Variants in TPRG1 observed in about 807,000 individuals in gnomAD.
TPRG1 encodes the protein tumor protein p63 regulated 1, also known as tumor protein p63-regulated gene 1 protein.
In TPRG1, 29 loss-of-function variants were observed where a neutral mutation model predicts 29.3. That is an observed-to-expected ratio of 0.99 (90% CI 0.74 to 1.35). The LOEUF (loss-of-function observed/expected upper bound fraction) is 1.35. TPRG1 is among the 40% of genes most tolerant of loss of function. TPRG1 has a pLI of 0.00. For missense variants in TPRG1, 327 were observed against 335.0 expected (o/e 0.98, Z 0.19); for synonymous variants, 130 against 116.8 (o/e 1.11, Z -0.73).
At chr3:189,237,817 C>A (rs140906538) in intron 3 of TPRG1, among the ~76,000 whole-genome samples, 10 of 152,258 alleles carry the variant, frequency 6.6e-5, no homozygotes, top group Admixed American at 2.6e-4. Flanking sequence ...AGGATTTAGA[C>A]ATGAATTGGT....
intron 4 of TPRG1, among the ~76,000 whole-genome samples, chr3:189,304,949 A>G (rs1349613229): frequency 6.6e-6 from 1 of 152,032 alleles, no homozygotes; most frequent in Non-Finnish European, 1.5e-5. Flanking sequence ...CTGCGTTTAG[A>G]GCAAGAGTTA....
intron 1 of TPRG1, among the ~76,000 whole-genome samples, chr3:189,202,572 T>C (rs1733673959): frequency 6.6e-6 from 1 of 152,226 alleles, no homozygotes; most frequent in Non-Finnish European, 1.5e-5. Flanking sequence ...ACTTTTTCTT[T>C]TTTCTGATGT....
chr3:189,304,012 G>C (rs1218725231), intron 4 of TPRG1, among the ~76,000 whole-genome samples: 1 of 152,034 alleles, frequency 6.6e-6, no homozygotes, highest in African/African-American at 2.4e-5. Flanking sequence ...TTCTTCTGCA[G>C]GTTAAGATCA....
At chr3:189,283,368 T>G (rs1717481277) in intron 4 of TPRG1, among the ~76,000 whole-genome samples, 3 of 152,228 alleles carry the variant, frequency 2.0e-5, no homozygotes, top group African/African-American at 7.2e-5. Context: ...GACTCTCATG[T>G]TTTATTCCAG....
chr3:189,052,819 C>T (rs867368642), intron 4 of TPRG1, among the ~76,000 whole-genome samples: 15 of 152,014 alleles, frequency 9.9e-5, no homozygotes, highest in Non-Finnish European at 1.5e-4. Context: ...TTATTCTAAG[C>T]GAAGTAACTC....
At chr3:189,070,061 CAG>C (rs1218972463) in intron 4 of TPRG1, among the ~76,000 whole-genome samples, 6 of 152,122 alleles carry the variant, frequency 3.9e-5, no homozygotes, top group African/African-American at 1.4e-4. Flanking sequence ...AGCCTGGTGA[CAG>C]AGCGAGACTC....
intron 5 of TPRG1, among the ~76,000 whole-genome samples, chr3:189,319,420 C>T (rs1301028342): frequency 2.0e-5 from 3 of 152,010 alleles, no homozygotes; most frequent in Non-Finnish European, 2.9e-5. Flanking sequence ...ATAATAATAT[C>T]GCTATCTACC....
intron 4 of TPRG1, among the ~76,000 whole-genome samples, chr3:189,035,498 T>A (rs1714204472): frequency 6.6e-6 from 1 of 152,026 alleles, no homozygotes; most frequent in South Asian, 2.1e-4. Flanking sequence ...TAAACAGGCA[T>A]CATACAGAAT....
intron 4 of TPRG1, among the ~76,000 whole-genome samples, chr3:189,308,416 A>T (rs1415212062): frequency 6.6e-6 from 1 of 152,198 alleles, no homozygotes; most frequent in Non-Finnish European, 1.5e-5. Context: ...GGTGTTTGAC[A>T]AAAGAGAAGA....
intron 5 of TPRG1, chr3:189,315,445 T>C (rs974857939): frequency 5.4e-5 from 24 of 446,350 alleles, no homozygotes; most frequent in African/African-American, 3.4e-4. Flanking sequence ...TTGCAACTTA[T>C]AGCCTTACCT....
chr3:189,117,552 T>C (rs1432572362), intron 1 of TPRG1, among the ~76,000 whole-genome samples: 3 of 152,190 alleles, frequency 2.0e-5, no homozygotes, highest in Non-Finnish European at 4.4e-5. Flanking sequence ...TTTTGCTGTG[T>C]CCTCACCCAA....
At chr3:189,191,039 G>A in intron 1 of TPRG1, 7 of 960,458 alleles carry the variant, frequency 7.3e-6, no homozygotes, top group Non-Finnish European at 8.7e-6. Flanking sequence ...GCTAATTTTG[G>A]TCATTGCTTA....
chr3:189,119,687 T>C (rs1408241384), intron 1 of TPRG1, among the ~76,000 whole-genome samples: 1 of 152,208 alleles, frequency 6.6e-6, no homozygotes. Context: ...CCCTGTTTGC[T>C]CAGCACTTCT....
intron 4 of TPRG1, among the ~76,000 whole-genome samples, chr3:189,087,884 G>T (rs1718063247): frequency 6.6e-6 from 1 of 152,106 alleles, no homozygotes; most frequent in Non-Finnish European, 1.5e-5. Context: ...TTTGGTATTG[G>T]TACCATGCTG....
intron 3 of TPRG1, among the ~76,000 whole-genome samples, chr3:189,015,610 T>C (rs759437604): frequency 3.9e-5 from 6 of 152,172 alleles, no homozygotes; most frequent in Non-Finnish European, 5.9e-5. Context: ...AATGGTTTCA[T>C]AAGCCAGGCC....
In TPRG1 at chr3:189,084,907, G is replaced by A. The variant is rs973251797; in HGVS notation, c.-462-42150G>A. On this transcript the variant is annotated intron_variant, in intron 4 of 10. Coordinates refer to the TPRG1 transcript ENST00000433971. ...CCCAAAGGAAGCCAACCATATTTTT[G>A]TCATTTCTCTTGCCCCAGAAATAGT... Among the ~76,000 whole-genome samples the A allele has an allele frequency of 5.1e-4, 77 of 152,182 alleles. 1 individual carries two copies. The highest frequency in any genetic ancestry group is 4.0e-4 in the Non-Finnish European group (27 of 68,028).
chr3:189,170,120 G>C (rs1397365857), upstream of TPRG1, among the ~76,000 whole-genome samples: 1 of 152,112 alleles, frequency 6.6e-6, no homozygotes, highest in East Asian at 1.9e-4. Context: ...AAGAGACCAG[G>C]CTGGGATCCA....
chr3:189,096,411 G>A (rs1718682851), upstream of TPRG1, among the ~76,000 whole-genome samples: 1 of 152,196 alleles, frequency 6.6e-6, no homozygotes, highest in Non-Finnish European at 1.5e-5. Context: ...GCATGCCTGT[G>A]CTTGTAGAGC....
At chr3:189,137,283 T>G (rs1265612581) in intron 3 of TPRG1, among the ~76,000 whole-genome samples, 1 of 146,912 alleles carries the variant, frequency 6.8e-6, no homozygotes, top group Non-Finnish European at 1.5e-5. Flanking sequence ...AAACAGCTTC[T>G]GAAAACCCCA....
Sources: gnomAD v4.1 joint callset for allele counts (sites outside exome capture counted in the v4.1 genomes callset) on GRCh38, gnomAD v4.1.1 for gene constraint, MANE v1.5 for transcripts, NCBI Gene and HGNC (gene_info 2026-07-23, HGNC 2026-07-21) for gene names.